ACSF3: variants seen among roughly 807,000 people sequenced by gnomAD.
The protein encoded by ACSF3 is acyl-CoA synthetase family member 3.
Under a neutral mutation model 53.2 loss-of-function variants are expected in ACSF3, and 78 were observed. That is an observed-to-expected ratio of 1.47 (90% CI 1.22 to 1.77). ACSF3 has a LOEUF of 1.77. Ranked by LOEUF, ACSF3 falls within the 40% of genes most tolerant of loss-of-function variation. The pLI is 0.00. For synonymous variants in ACSF3, 414 were observed against 333.1 expected (o/e 1.24, Z -2.65); for missense variants, 937 against 771.1 (o/e 1.22, Z -2.55).
At chr16:89,131,307 G>T (rs1174794599) in intron 7 of ACSF3, among the ~76,000 whole-genome samples, 1 of 150,952 alleles carries the variant, frequency 6.6e-6, no homozygotes, top group African/African-American at 2.4e-5. Flanking sequence ...TATCTTTTTT[G>T]TAGAGACAGG....
chr16:89,096,950 G>T (rs1199943365), intron 1 of ACSF3, among the ~76,000 whole-genome samples: 1 of 152,252 alleles, frequency 6.6e-6, no homozygotes, highest in Non-Finnish European at 1.5e-5. Context: ...TGGATTCCGC[G>T]CAGGAGAACA....
intron 1 of ACSF3, among the ~76,000 whole-genome samples, chr16:89,098,371 G>C (rs1974865238): frequency 6.6e-6 from 1 of 152,234 alleles, no homozygotes; most frequent in African/African-American, 2.4e-5. Context: ...CATGGGCACA[G>C]ATCCCACAGA....
At chr16:89,132,486 C>A (rs959711234) in intron 7 of ACSF3, among the ~76,000 whole-genome samples, 9 of 152,148 alleles carry the variant, frequency 5.9e-5, no homozygotes, top group African/African-American at 2.2e-4. Context: ...TCCCTCCCGC[C>A]CTCTCCATGG....
chr16:89,114,543 G>C, intron 6 of ACSF3, 56 bp downstream of exon 6: 1 of 1,602,006 alleles, frequency 6.2e-7, no homozygotes, highest in Non-Finnish European at 8.5e-7. Context: ...AGCCCCCCAA[G>C]GTGGGCCAGT....
chr16:89,153,801 CTG>C (rs903670557), intron 10 of ACSF3: 1 of 462,238 alleles, frequency 2.2e-6, no homozygotes, highest in South Asian at 2.2e-5. Flanking sequence ...GCAGGCCACT[CTG>C]TGCAGGCCTA....
intron 6 of ACSF3, among the ~76,000 whole-genome samples, chr16:89,119,498 C>T (rs186508818): frequency 1.4e-4 from 21 of 152,296 alleles, no homozygotes; most frequent in Non-Finnish European, 2.8e-4. Flanking sequence ...TGCGGAACAC[C>T]GCCGTGCCGC....
At chr16:89,114,859 G>C in intron 6 of ACSF3, 3 of 360,748 alleles carry the variant, frequency 8.3e-6, no homozygotes, top group South Asian at 6.5e-5. Flanking sequence ...GCCTCCGTCT[G>C]TCTGGAGTCC....
intron 1 of ACSF3, among the ~76,000 whole-genome samples, chr16:89,095,719 C>T (rs140521319): frequency 3.9e-4 from 60 of 152,382 alleles, no homozygotes; most frequent in African/African-American, 1.3e-3. Context: ...TGTTGCGAGG[C>T]TCCATGGGGA....
intron 6 of ACSF3, among the ~76,000 whole-genome samples, chr16:89,117,683 G>T (rs575332308): frequency 6.6e-6 from 1 of 152,060 alleles, no homozygotes; most frequent in Non-Finnish European, 1.5e-5. Flanking sequence ...CACACCGAGG[G>T]CGCCAAGGAG....
At chr16:89,136,750 C>T in intron 8 of ACSF3, 1 of 1,287,282 alleles carries the variant, frequency 7.8e-7, no homozygotes, top group Non-Finnish European at 1.0e-6. Context: ...CAGCCCGCTT[C>T]TGCCTCAAGA....
In ACSF3 at chr16:89,098,589, A is replaced by C. The variant is rs780980210; in HGVS notation, c.-193-2A>C. 4 of 451,176 alleles carry C rather than the reference A, an allele frequency of 8.9e-6. No homozygotes were observed. Among genetic ancestry groups the C allele is most frequent in the South Asian group, 6.2e-5 (4 of 64,406 alleles). 27.9% of individuals were successfully genotyped at this position (451,176 alleles called of 1,614,324 possible). On this transcript the variant is annotated splice_acceptor_variant, in intron 1 of 10. Transcript: ENST00000614302. LOFTEE classifies it low-confidence loss of function (5UTR_SPLICE). Reference sequence around the variant, plus strand: ...GACCTCAGCACAGATGCCCGTTGACAGGTGTCCCACCGGCCTTCCGGGTTC... The same window carrying C: ...GACCTCAGCACAGATGCCCGTTGACCGGTGTCCCACCGGCCTTCCGGGTTC...
At chr16:89,095,282 A>G (rs4782470) in intron 1 of ACSF3, 40,552 of 151,782 alleles carry the variant, frequency 0.27, 6,339 homozygotes, top group East Asian at 0.51. Context: ...ATGGCGGATT[A>G]AACTGTGGGC....
chr16:89,118,799 C>G (rs900798533), intron 6 of ACSF3, among the ~76,000 whole-genome samples: 2 of 152,182 alleles, frequency 1.3e-5, no homozygotes, highest in African/African-American at 2.4e-5. Flanking sequence ...AGTCCCCAGT[C>G]AGAGTTATCA....
chr16:89,145,259 T>A lies in ACSF3; in HGVS notation c.1367-8T>A, dbSNP rs1281358829. Reference sequence around the variant, plus strand: ...GATGGCCAGTTAACCAGAGCCCCTTTTCCTCAGGGGACACCGTGGTGTTTA... The same window carrying A: ...GATGGCCAGTTAACCAGAGCCCCTTATCCTCAGGGGACACCGTGGTGTTTA... On this transcript the variant is annotated splice_polypyrimidine_tract_variant and splice_region_variant and intron_variant, in intron 8 of 10. Transcript: ENST00000614302. The A allele has an allele frequency of 6.2e-7, 1 of 1,613,832 alleles. No individual in the cohort carries two copies. The highest frequency in any genetic ancestry group is 1.3e-5 in the African/African-American group (1 of 74,848).
intron 6 of ACSF3, 112 bp downstream of exon 6, chr16:89,114,599 C>G: frequency 6.6e-7 from 1 of 1,510,952 alleles, no homozygotes. Context: ...GGAGGATGCT[C>G]CCCCGTGGGA....
chr16:89,124,160 C>T (rs976639757), intron 7 of ACSF3, among the ~76,000 whole-genome samples: 4 of 151,940 alleles, frequency 2.6e-5, no homozygotes, highest in African/African-American at 7.3e-5. Context: ...AAGTATCACA[C>T]ACACATACAC....
At position 89,100,314 on chromosome 16, in the gene ACSF3, C is replaced by T. The variant is rs1463224798; in HGVS notation, c.-20-348C>T. On this transcript the variant is annotated intron_variant, in intron 2 of 10. Transcript: ENST00000614302. ...CTTCCCCCTCTCACGGGTGGTTTTC[C>T]AGGCTCAGGATTCTAAAACCCATTA... Among the ~76,000 whole-genome samples the T allele has an allele frequency of 2.6e-5, 4 of 152,258 alleles. No homozygotes were observed. In the East Asian group the frequency reaches 7.7e-4, roughly 29 times the overall value.
intron 10 of ACSF3, chr16:89,149,033 T>C (rs146056298): frequency 5.3e-5 from 8 of 152,374 alleles, no homozygotes; most frequent in African/African-American, 1.9e-4. Context: ...TTTTATGCTC[T>C]GCTTACCTTT....
chr16:89,123,467 C>T lies in ACSF3; in HGVS notation c.1239+2554C>T, dbSNP rs893714555. 2.6e-5 allele frequency among the ~76,000 whole-genome samples: 4 copies of T among 152,210 alleles called. No homozygotes were observed. The East Asian group carries it at 5.8e-4, about 22-fold the overall frequency. Reference sequence around the variant, plus strand: ...AACCCGAGGGTGCCCCTCACTACCACGGTCCCGGATCCACGTGGCTCAAGT... The same window carrying T: ...AACCCGAGGGTGCCCCTCACTACCATGGTCCCGGATCCACGTGGCTCAAGT... On this transcript the variant is annotated intron_variant, in intron 7 of 10. Transcript: ENST00000614302.
Sources: gnomAD v4.1 joint callset for allele counts (sites outside exome capture counted in the v4.1 genomes callset) on GRCh38, gnomAD v4.1.1 for gene constraint, MANE v1.5 for transcripts, NCBI Gene and HGNC (gene_info 2026-07-23, HGNC 2026-07-21) for gene names.